TMPRSS11D: variants seen among roughly 807,000 people sequenced by gnomAD.
TMPRSS11D encodes the protein transmembrane protease serine 11D.
In TMPRSS11D, 32 loss-of-function variants were observed where a neutral mutation model predicts 44.4. The observed-to-expected ratio is 0.72, with a 90% CI of 0.54 to 0.97. The LOEUF (loss-of-function observed/expected upper bound fraction) is 0.97. Ranked by LOEUF, TMPRSS11D falls within the 50% of genes least tolerant of loss-of-function variation. TMPRSS11D has a pLI of 0.00. For missense variants in TMPRSS11D, 446 were observed against 502.6 expected (o/e 0.89, Z 1.08); for synonymous variants, 179 against 177.9 (o/e 1.01, Z -0.05).
chr4:67,869,063 G>C (rs1334845904), intron 1 of TMPRSS11D, among the ~76,000 whole-genome samples: 1 of 152,218 alleles, frequency 6.6e-6, no homozygotes, highest in East Asian at 1.9e-4. Context: ...CACATGACTA[G>C]ACAATTTGAG....
At chr4:67,844,801 A>C (rs558226406) in intron 3 of TMPRSS11D, among the ~76,000 whole-genome samples, 5 of 152,146 alleles carry the variant, frequency 3.3e-5, no homozygotes, top group Admixed American at 6.6e-5. Context: ...AAAAAGAAGA[A>C]GGCAAAAAGT....
At chr4:67,842,490 C>G (rs1718256609) in intron 4 of TMPRSS11D, 68 bp downstream of exon 4, 2 of 1,267,334 alleles carry the variant, frequency 1.6e-6, no homozygotes, top group Non-Finnish European at 2.3e-6. Context: ...ACTATTCATT[C>G]TGTGACAAAA....
intron 1 of TMPRSS11D, among the ~76,000 whole-genome samples, 184 bp downstream of exon 1, chr4:67,883,742 T>C (rs1719381404): frequency 6.6e-6 from 1 of 152,104 alleles, no homozygotes; most frequent in Non-Finnish European, 1.5e-5. Context: ...AGCAACTATG[T>C]ACCTTATGAA....
At chr4:67,859,441 T>C (rs1718740632) in intron 2 of TMPRSS11D, 116 bp downstream of exon 2, 5 of 1,179,886 alleles carry the variant, frequency 4.2e-6, no homozygotes, top group South Asian at 1.7e-5. Flanking sequence ...AAGTAAGATA[T>C]ATAATCACAT....
At position 67,854,238 on chromosome 4, in the gene TMPRSS11D, C is replaced by A. The variant is rs901518079; in HGVS notation, c.131-52G>T. The A allele has an allele frequency of 4.1e-6, 4 of 964,912 alleles. No homozygotes were observed. In the African/African-American group the frequency reaches 5.1e-5, roughly 12 times the overall value. The allele number at this position is 964,912 out of a possible 1,614,324, so 59.8% of individuals were successfully genotyped here. On this transcript the variant is annotated intron_variant, in intron 2 of 9. Transcript: ENST00000283916. ...AGTCTTACTTTACTAAGTTGTTGAA[C>A]CTTTAATTTATTCAGGATTATGGGA...
chr4:67,845,127 G>T (rs1056779995), intron 3 of TMPRSS11D, among the ~76,000 whole-genome samples: 1 of 152,062 alleles, frequency 6.6e-6, no homozygotes, highest in African/African-American at 2.4e-5. Context: ...TCTGTTATGT[G>T]GACAACATTA....
chr4:67,873,608 T>G (rs578019521), intron 1 of TMPRSS11D, among the ~76,000 whole-genome samples: 10 of 152,268 alleles, frequency 6.6e-5, no homozygotes, highest in African/African-American at 2.4e-4. Context: ...ATAAGTTGTT[T>G]AGTCCAGCAC....
intron 1 of TMPRSS11D, among the ~76,000 whole-genome samples, chr4:67,871,760 G>A (rs1283598863): frequency 6.6e-6 from 1 of 152,160 alleles, no homozygotes; most frequent in East Asian, 1.9e-4. Flanking sequence ...GTCTGCAAAT[G>A]AGCATGGTGG....
At chr4:67,876,105 T>C (rs1248871352) in intron 1 of TMPRSS11D, among the ~76,000 whole-genome samples, 1 of 152,174 alleles carries the variant, frequency 6.6e-6, no homozygotes, top group Admixed American at 6.5e-5. Flanking sequence ...ACTAGTCCTG[T>C]CCAGGGGCCT....
intron 3 of TMPRSS11D, among the ~76,000 whole-genome samples, chr4:67,849,200 G>A (rs1718434426): frequency 6.6e-6 from 1 of 152,154 alleles, no homozygotes; most frequent in African/African-American, 2.4e-5. Flanking sequence ...AAATGGTATT[G>A]CTATTAATAG....
intron 2 of TMPRSS11D, among the ~76,000 whole-genome samples, chr4:67,856,968 A>G (rs986750082): frequency 5.3e-5 from 8 of 152,276 alleles, no homozygotes; most frequent in African/African-American, 1.9e-4. Flanking sequence ...TCTATTACCA[A>G]AAAGACAGAA....
intron 7 of TMPRSS11D, among the ~76,000 whole-genome samples, chr4:67,832,165 A>G (rs1179128461): frequency 2.0e-5 from 3 of 152,136 alleles, no homozygotes; most frequent in African/African-American, 7.2e-5. Context: ...AGCTCAAGGT[A>G]CATGCTTTGA....
At chr4:67,854,596 T>A (rs1037421307) in intron 2 of TMPRSS11D, among the ~76,000 whole-genome samples, 1 of 152,186 alleles carries the variant, frequency 6.6e-6, no homozygotes, top group African/African-American at 2.4e-5. Flanking sequence ...TTTCAAATAA[T>A]ATTCTTTATT....
intron 7 of TMPRSS11D, among the ~76,000 whole-genome samples, chr4:67,832,928 C>T (rs528316062): frequency 6.4e-4 from 98 of 152,058 alleles, no homozygotes; most frequent in African/African-American, 2.3e-3. Flanking sequence ...TAGTAAATTT[C>T]TTAAGCTTTT....
At chr4:67,852,883 G>A (rs531727600) in intron 3 of TMPRSS11D, among the ~76,000 whole-genome samples, 11 of 152,172 alleles carry the variant, frequency 7.2e-5, no homozygotes, top group African/African-American at 2.6e-4. Context: ...AGTCTAACAT[G>A]GCAAATTAAA....
chr4:67,862,459 C>T (rs1718812602), intron 1 of TMPRSS11D, among the ~76,000 whole-genome samples: 1 of 152,200 alleles, frequency 6.6e-6, no homozygotes, highest in Non-Finnish European at 1.5e-5. Flanking sequence ...TCACGTCTCT[C>T]CTGACCTCAC....
chr4:67,865,851 A>C (rs1370489423), intron 1 of TMPRSS11D, among the ~76,000 whole-genome samples: 1 of 151,902 alleles, frequency 6.6e-6, no homozygotes, highest in African/African-American at 2.4e-5. Flanking sequence ...AAGAAAAAAA[A>C]CATCTTTCAA....
chr4:67,861,756 CA>C (rs1192056221), intron 1 of TMPRSS11D, among the ~76,000 whole-genome samples: 75 of 152,042 alleles, frequency 4.9e-4, no homozygotes, highest in Non-Finnish European at 5.9e-5. Flanking sequence ...TATGACTCAA[CA>C]AACAAAGGGT....
At chr4:67,859,102 T>C (rs1718731193) in intron 2 of TMPRSS11D, among the ~76,000 whole-genome samples, 1 of 152,162 alleles carries the variant, frequency 6.6e-6, no homozygotes. Flanking sequence ...AAGCATTATT[T>C]GTTAATAAGA....
Sources: gnomAD v4.1 joint callset for allele counts (sites outside exome capture counted in the v4.1 genomes callset) on GRCh38, gnomAD v4.1.1 for gene constraint, MANE v1.5 for transcripts, NCBI Gene and HGNC (gene_info 2026-07-23, HGNC 2026-07-21) for gene names.